Variants in ST6GAL2 observed in about 807,000 individuals in gnomAD.
ST6GAL2 encodes the protein beta-galactoside alpha-2,6-sialyltransferase 2.
A neutral mutation model predicts 37.5 loss-of-function variants in ST6GAL2; 24 were observed. That is an observed-to-expected ratio of 0.64 (90% CI 0.46 to 0.90). The LOEUF (loss-of-function observed/expected upper bound fraction) is 0.90. Ranked by LOEUF, ST6GAL2 falls within the 40% of genes least tolerant of loss-of-function variation. The pLI is 0.00. For synonymous variants in ST6GAL2, 306 were observed against 295.1 expected (o/e 1.04, Z -0.38); for missense variants, 715 against 712.7 (o/e 1.00, Z -0.04).
At chr2:106,841,054 A>G (rs1676861167) in intron 2 of ST6GAL2, 2 of 152,210 alleles carry the variant, frequency 1.3e-5, no homozygotes, top group Admixed American at 6.5e-5. Flanking sequence ...TATATGACAC[A>G]TGGACTGTGT....
intron 2 of ST6GAL2, among the ~76,000 whole-genome samples, chr2:106,839,132 A>T (rs1384913478): frequency 6.6e-6 from 1 of 152,164 alleles, no homozygotes; most frequent in Non-Finnish European, 1.5e-5. Context: ...AATTAAGTGA[A>T]GTCTAATATT....
Position 106,843,836 on chromosome 2 carries a change from T to G in ST6GAL2, c.142A>C (p.Thr48Pro). The stretch of plus-strand genomic sequence containing the variant: ...CCCTGCACCGGCAGGAGCCTCCTGG[T>G]CTCCAGGAAGGAGAGGGAGCTGGGT... The part of the protein sequence containing the change: ...PVPSSLSFLE[T>P]RRLLPVQGKQ... The change falls in exon 2 of 6, where the codon ACC becomes CCC. Residue 48 changes from threonine to proline, a missense_variant. By Grantham distance (38) the Thr-to-Pro change is conservative. Coordinates refer to ENST00000409382, the MANE Select transcript of ST6GAL2 (RefSeq NM_001142351.2). 6.2e-7 allele frequency: 1 copy of G among 1,612,140 alleles called. No individual in the cohort carries two copies. The highest frequency in any genetic ancestry group is 8.5e-7 in the Non-Finnish European group (1 of 1,179,464).
intron 1 of ST6GAL2, among the ~76,000 whole-genome samples, chr2:106,867,102 A>G (rs980988383): frequency 2.0e-5 from 3 of 152,192 alleles, no homozygotes; most frequent in Non-Finnish European, 4.4e-5. Context: ...AGGAAAGGGC[A>G]AAACATTTTG....
At chr2:106,844,515 G>A (rs1382552738) in intron 1 of ST6GAL2, among the ~76,000 whole-genome samples, 1 of 152,044 alleles carries the variant, frequency 6.6e-6, no homozygotes, top group Non-Finnish European at 1.5e-5. Context: ...CAGCGCTGCT[G>A]TGCACTTCTA....
intron 1 of ST6GAL2, among the ~76,000 whole-genome samples, chr2:106,873,290 G>A (rs1678355930): frequency 6.6e-6 from 1 of 152,134 alleles, no homozygotes; most frequent in South Asian, 2.1e-4. Flanking sequence ...TTCTCCATCT[G>A]CAATGGGGTT....
chr2:106,831,746 G>A (rs931345788), intron 4 of ST6GAL2, among the ~76,000 whole-genome samples: 3 of 152,056 alleles, frequency 2.0e-5, no homozygotes, highest in African/African-American at 4.8e-5. Flanking sequence ...TCCAGGAGCC[G>A]CTTTTATCTT....
At chr2:106,873,226 G>A (rs566730450) in intron 1 of ST6GAL2, among the ~76,000 whole-genome samples, 1 of 152,194 alleles carries the variant, frequency 6.6e-6, no homozygotes, top group South Asian at 2.1e-4. Context: ...GATACACACA[G>A]GTAGGGGACA....
rs70956213 is a variant in ST6GAL2, at chr2:106,836,773, C to CAAAAAAAAAAAAAAAAAA, written c.944-2645_944-2628dup. 4.3e-5 allele frequency among the ~76,000 whole-genome samples: 3 copies of CAAAAAAAAAAAAAAAAAA among 70,262 alleles called. 1 individual carries two copies. The highest frequency in any genetic ancestry group is 6.0e-5 in the African/African-American group (1 of 16,786). 46.1% of individuals were successfully genotyped at this position (70,262 alleles called of 152,430 possible). A position where few individuals can be genotyped will look rare whatever the true frequency, so the allele number is the denominator to read the frequency against. On this transcript the variant is annotated intron_variant, in intron 2 of 5. Transcript: ENST00000409382. Reference sequence around the variant, plus strand: ...AGAAACCCCGTCTCTACTAAAAATACAAAAAAAAAAAAAAAAAAAAAAAAT... The same window carrying CAAAAAAAAAAAAAAAAAA: ...AGAAACCCCGTCTCTACTAAAAATACAAAAAAAAAAAAAAAAAAAAAAAAAAAAAAAAAAAAAAAAAAT...
At chr2:106,856,772 C>T (rs141272148) in intron 1 of ST6GAL2, among the ~76,000 whole-genome samples, 341 of 152,304 alleles carry the variant, frequency 2.2e-3, no homozygotes, top group Non-Finnish European at 4.3e-3. Context: ...TTGACAATGA[C>T]ATCTGCTCTC....
chr2:106,830,246 G>A lies in ST6GAL2; in HGVS notation c.1144-6C>T, dbSNP rs1558688415. The A allele has an allele frequency of 5.0e-6, 8 of 1,585,734 alleles. No individual in the cohort carries two copies. In the African/African-American group the frequency reaches 5.5e-5, roughly 11 times the overall value. ...TAATCCGGTTTTTTGTACCACTAAGGAAAAAAAAATCAATGCAGTCAAGTA... is the reference window on the plus strand; with the variant it reads ...TAATCCGGTTTTTTGTACCACTAAGAAAAAAAAAATCAATGCAGTCAAGTA... On this transcript the variant is annotated splice_region_variant and splice_polypyrimidine_tract_variant and intron_variant, in intron 4 of 5. Transcript: ENST00000409382.
At chr2:106,825,900 C>T (rs1361917974) in intron 5 of ST6GAL2, among the ~76,000 whole-genome samples, 1 of 152,134 alleles carries the variant, frequency 6.6e-6, no homozygotes, top group African/African-American at 2.4e-5. Context: ...CTTCCTTTTT[C>T]ACCACCTTTC....
chr2:106,838,678 C>A (rs567318298), intron 2 of ST6GAL2, among the ~76,000 whole-genome samples: 1 of 152,162 alleles, frequency 6.6e-6, no homozygotes, highest in Non-Finnish European at 1.5e-5. Flanking sequence ...ATTTCCTTAT[C>A]TGTAAAATGG....
chr2:106,836,966 T>C (rs1404617648), intron 2 of ST6GAL2, among the ~76,000 whole-genome samples: 6 of 113,170 alleles, frequency 5.3e-5, no homozygotes, highest in African/African-American at 2.2e-4. Context: ...AAAAAAAGAA[T>C]TGAAACACCA....
intron 1 of ST6GAL2, among the ~76,000 whole-genome samples, chr2:106,864,979 T>C (rs964298663): frequency 6.6e-6 from 1 of 152,070 alleles, no homozygotes; most frequent in Non-Finnish European, 1.5e-5. Context: ...GCCCATTCTA[T>C]GGTGTAAACG....
intron 2 of ST6GAL2, among the ~76,000 whole-genome samples, chr2:106,840,076 T>G (rs1311234084): frequency 6.6e-6 from 1 of 152,192 alleles, no homozygotes; most frequent in Non-Finnish European, 1.5e-5. Context: ...TGAGACTGAC[T>G]GGGTCTCCCT....
intron 5 of ST6GAL2, among the ~76,000 whole-genome samples, chr2:106,820,035 G>A (rs1339703598): frequency 1.3e-5 from 2 of 151,720 alleles, no homozygotes; most frequent in South Asian, 2.1e-4. Flanking sequence ...TCACTAAAAG[G>A]AAGACAAGAA....
At chr2:106,828,062 G>A (rs1231032876) in intron 5 of ST6GAL2, among the ~76,000 whole-genome samples, 1 of 152,104 alleles carries the variant, frequency 6.6e-6, no homozygotes, top group South Asian at 2.1e-4. Context: ...TCAGTAAATA[G>A]CTTTAAAAGG....
In ST6GAL2 at chr2:106,802,851, G is replaced by C. The variant is rs1171071968; in HGVS notation, c.*3827C>G. The stretch of plus-strand genomic sequence containing the variant: ...CTCCCTTTCTCTGTCTCTTACCACA[G>C]CTAAGCAGAAATTCAACCAAGTAAC... On this transcript the variant is annotated 3_prime_UTR_variant, in exon 6 of 6. Transcript: ENST00000409382. The C allele has an allele frequency of 6.6e-6, 1 of 152,178 alleles. No individual in the cohort carries two copies. Among genetic ancestry groups the C allele is most frequent in the Non-Finnish European group, 1.5e-5 (1 of 68,044 alleles). The allele number at this position is 152,178 out of a possible 1,614,324, so 9.4% of individuals were successfully genotyped here.
chr2:106,815,359 A>G (rs543155917), intron 5 of ST6GAL2, among the ~76,000 whole-genome samples: 1 of 152,364 alleles, frequency 6.6e-6, no homozygotes, highest in Admixed American at 6.5e-5. Flanking sequence ...GAGTACATAC[A>G]TAGAGTAATG....
Sources: gnomAD v4.1 joint callset for allele counts (sites outside exome capture counted in the v4.1 genomes callset) on GRCh38, gnomAD v4.1.1 for gene constraint, MANE v1.5 for transcripts, NCBI Gene and HGNC (gene_info 2026-07-23, HGNC 2026-07-21) for gene names.